Variants in MCPH1 observed in about 807,000 individuals in gnomAD.
The protein encoded by MCPH1 is microcephalin 1, also known as microcephalin.
Under a neutral mutation model 84.5 loss-of-function variants are expected in MCPH1, and 104 were observed. That is an observed-to-expected ratio of 1.23 (90% CI 1.05 to 1.45). The LOEUF is 1.45. Among genes scored for constraint, MCPH1 ranks in the 40% most tolerant of loss-of-function variants. MCPH1 has a pLI of 0.00. For synonymous variants in MCPH1, 514 were observed against 366.8 expected (o/e 1.40, Z -4.58); for missense variants, 1,498 against 1,005.7 (o/e 1.49, Z -6.62).
chr8:6,434,750 G>A (rs1247136696), intron 4 of MCPH1, among the ~76,000 whole-genome samples: 1 of 152,170 alleles, frequency 6.6e-6, no homozygotes, highest in Non-Finnish European at 1.5e-5. Flanking sequence ...AGAAGTTAGC[G>A]TTTACGTGGG....
intron 10 of MCPH1, among the ~76,000 whole-genome samples, chr8:6,478,088 C>T (rs1808715523): frequency 6.6e-6 from 1 of 152,142 alleles, no homozygotes; most frequent in African/African-American, 2.4e-5. Context: ...AAAGAACATC[C>T]AACAAAAATA....
At chr8:6,428,551 A>G (rs1801390579) in intron 3 of MCPH1, among the ~76,000 whole-genome samples, 1 of 152,188 alleles carries the variant, frequency 6.6e-6, no homozygotes, top group Non-Finnish European at 1.5e-5. Flanking sequence ...AGCCTCTAGT[A>G]GTCTACTTTC....
chr8:6,499,103 A>T (rs970689337), intron 11 of MCPH1, among the ~76,000 whole-genome samples: 1 of 145,312 alleles, frequency 6.9e-6, no homozygotes, highest in Non-Finnish European at 1.5e-5. Context: ...AATAAATAAA[A>T]TAAACATGAA....
At chr8:6,629,806 TCATG>T (rs1191069542) in intron 13 of MCPH1, among the ~76,000 whole-genome samples, 3 of 152,202 alleles carry the variant, frequency 2.0e-5, no homozygotes, top group Admixed American at 2.0e-4. Flanking sequence ...TAGGCCAGAG[TCATG>T]CAGTGAATTA....
At chr8:6,497,370 A>G (rs1420527459) in intron 11 of MCPH1, among the ~76,000 whole-genome samples, 1 of 152,076 alleles carries the variant, frequency 6.6e-6, no homozygotes, top group Non-Finnish European at 1.5e-5. Flanking sequence ...AGGCATTGTG[A>G]TGTGCGCCTG....
At chr8:6,627,190 G>C in intron 13 of MCPH1, 1 of 985,372 alleles carries the variant, frequency 1.0e-6, no homozygotes, top group Non-Finnish European at 1.2e-6. Context: ...CACTCGGGAG[G>C]CCTCAGGCCT....
chr8:6,457,259 C>A (rs1393389733), intron 9 of MCPH1, among the ~76,000 whole-genome samples: 1 of 152,186 alleles, frequency 6.6e-6, no homozygotes, highest in South Asian at 2.1e-4. Context: ...TCCACCACTT[C>A]TGGTTCTGTG....
chr8:6,514,582 G>A (rs1352871081), intron 12 of MCPH1: 1 of 1,058,300 alleles, frequency 9.4e-7, no homozygotes, highest in Non-Finnish European at 1.4e-6. Flanking sequence ...AAAAGTCATT[G>A]GTTAGTTTGG....
At chr8:6,463,974 G>A (rs1290017514) in intron 9 of MCPH1, among the ~76,000 whole-genome samples, 1 of 152,154 alleles carries the variant, frequency 6.6e-6, no homozygotes, top group South Asian at 2.1e-4. Flanking sequence ...CAAAGGACAG[G>A]TGATATTTAT....
chr8:6,499,930 G>C lies in MCPH1; in HGVS notation c.2214+1G>C, dbSNP rs772838513. 6.2e-7 allele frequency: 1 copy of C among 1,612,942 alleles called. No homozygotes were observed. Among genetic ancestry groups the C allele is most frequent in the Non-Finnish European group, 8.5e-7 (1 of 1,179,314 alleles). ...GTCTCACCACTTCCCTGCAGCTCCC[G>C]TAAGTCAGATGTTGTTTTACGATGG... On this transcript the variant is annotated splice_donor_variant, in intron 12 of 13. Transcript: ENST00000344683. LOFTEE classifies it high-confidence loss of function.
rs1563305012 is a variant in MCPH1, at chr8:6,505,229, G to GTTT, written c.2214+5301_2214+5302insTTT. On this transcript the variant is annotated intron_variant, in intron 12 of 13. Coordinates refer to ENST00000344683, the MANE Select transcript of MCPH1 (RefSeq NM_024596.5). Reference sequence around the variant, plus strand: ...ATAGAATATATATATATATTCTTATGTATATATAGAATATATATTCTTTAT... The same window carrying GTTT: ...ATAGAATATATATATATATTCTTATGTTTTATATATAGAATATATATTCTTTAT... 2.8e-3 allele frequency among the ~76,000 whole-genome samples: 89 copies of GTTT among 31,654 alleles called. 19 individuals are homozygous for GTTT. The highest frequency in any genetic ancestry group is 0.015 in the African/African-American group (79 of 5,132). 20.8% of individuals were successfully genotyped at this position (31,654 alleles called of 152,430 possible).
At chr8:6,525,607 T>G (rs1352805072) in intron 12 of MCPH1, among the ~76,000 whole-genome samples, 1 of 152,228 alleles carries the variant, frequency 6.6e-6, no homozygotes, top group African/African-American at 2.4e-5. Context: ...TTGTCCAATG[T>G]GAAACACCAT....
At chr8:6,521,368 G>A (rs1434261997) in intron 12 of MCPH1, 1 of 1,613,536 alleles carries the variant, frequency 6.2e-7, no homozygotes, top group East Asian at 2.2e-5. Context: ...GTAGTTGGAT[G>A]ATGTGCTTGT....
chr8:6,473,783 C>G (rs970788700), intron 9 of MCPH1: 26 of 967,424 alleles, frequency 2.7e-5, no homozygotes, highest in Admixed American at 1.1e-4. Flanking sequence ...TAAACAATTT[C>G]TATGATGTCA....
chr8:6,520,760 A>C (rs1050723879), intron 12 of MCPH1, among the ~76,000 whole-genome samples: 5 of 152,218 alleles, frequency 3.3e-5, no homozygotes, highest in Non-Finnish European at 7.4e-5. Context: ...AAATGTGCTT[A>C]AGAACCTGGC....
chr8:6,468,017 G>A (rs903374405), intron 9 of MCPH1, among the ~76,000 whole-genome samples: 1 of 152,166 alleles, frequency 6.6e-6, no homozygotes, highest in Admixed American at 6.5e-5. Context: ...CAGCCCATTT[G>A]CTTTGGTGAG....
intron 3 of MCPH1, among the ~76,000 whole-genome samples, chr8:6,416,591 A>G (rs988537749): frequency 6.6e-6 from 1 of 152,130 alleles, no homozygotes; most frequent in African/African-American, 2.4e-5. Context: ...TTTGTCCTTC[A>G]TTATATTAAT....
chr8:6,585,079 C>T (rs1827863991), intron 12 of MCPH1, among the ~76,000 whole-genome samples: 2 of 152,192 alleles, frequency 1.3e-5, no homozygotes, highest in African/African-American at 4.8e-5. Context: ...TCTAGCAGTT[C>T]GGCTGGAGTA....
chr8:6,499,390 T>C (rs1024884935), intron 11 of MCPH1, among the ~76,000 whole-genome samples: 4 of 152,122 alleles, frequency 2.6e-5, no homozygotes, highest in African/African-American at 9.7e-5. Context: ...CTTCTGAAAA[T>C]ATTAGCCAAT....
Sources: allele counts gnomAD v4.1 joint callset (sites outside exome capture counted in the v4.1 genomes callset), GRCh38; gene constraint gnomAD v4.1.1; transcripts MANE v1.5; gene names NCBI Gene and HGNC (gene_info 2026-07-23, HGNC 2026-07-21).